GLIS1: variants seen among roughly 807,000 people sequenced by gnomAD.
GLIS1 encodes zinc finger protein GLIS1.
In GLIS1, 24 loss-of-function variants were observed where a neutral mutation model predicts 63.8. The ratio of observed to expected loss-of-function variants is 0.38; its 90% CI spans 0.27 to 0.53. GLIS1 has a LOEUF of 0.53. GLIS1 is among the 20% of genes least tolerant of loss of function. The probability of loss-of-function intolerance (pLI) is 0.85; values close to 1 mark genes in which losing one functional copy is unlikely to be tolerated. For missense variants in GLIS1, 1,036 were observed against 1,074.1 expected, an observed-to-expected ratio of 0.96 and a Z score of 0.50; for synonymous variants, 450 against 482.5, an observed-to-expected ratio of 0.93 and a Z score of 0.88.
chr1:53,509,083 G>A lies in GLIS1; in HGVS notation c.2230+37C>T, dbSNP rs112558798. On this transcript the variant is annotated intron_variant, in intron 10 of 10. Transcript: ENST00000628545. ...CCCAGCACTGGGTTGAGCCTCGGCA[G>A]GTGCCCAGGACTGGGAGCCACGCAG... 4,444 of 1,517,864 alleles carry A rather than the reference G, an allele frequency of 2.9e-3. 122 individuals carry two copies. The African/African-American group carries it at 0.049, about 17-fold the overall frequency. The allele number at this position is 1,517,864 out of a possible 1,614,324, so 94.0% of individuals were successfully genotyped here. A position where few individuals can be genotyped will look rare whatever the true frequency, so the allele number is the denominator to read the frequency against.
intron 2 of GLIS1, among the ~76,000 whole-genome samples, chr1:53,627,608 G>A (rs761803723): frequency 6.6e-6 from 1 of 152,198 alleles, no homozygotes; most frequent in Non-Finnish European, 1.5e-5. Flanking sequence ...GCACTTTGAA[G>A]CCATAAATCA....
At chr1:53,644,958 G>A (rs1313982911) in intron 2 of GLIS1, among the ~76,000 whole-genome samples, 1 of 152,206 alleles carries the variant, frequency 6.6e-6, no homozygotes, top group Non-Finnish European at 1.5e-5. Context: ...AAAAATCTAA[G>A]GTCCATGAGG....
intron 4 of GLIS1, among the ~76,000 whole-genome samples, chr1:53,549,603 A>G (rs1190616546): frequency 6.6e-6 from 1 of 152,210 alleles, no homozygotes; most frequent in African/African-American, 2.4e-5. Flanking sequence ...TTCCTTGCCT[A>G]TTTTTAAGTT....
At chr1:53,683,952 G>A (rs978145415) in intron 2 of GLIS1, among the ~76,000 whole-genome samples, 1 of 152,120 alleles carries the variant, frequency 6.6e-6, no homozygotes, top group Non-Finnish European at 1.5e-5. Context: ...ATTTTATGGA[G>A]CTCAGTTTCT....
At chr1:53,613,854 G>T (rs1054357560) in intron 2 of GLIS1, among the ~76,000 whole-genome samples, 2 of 152,144 alleles carry the variant, frequency 1.3e-5, no homozygotes, top group Non-Finnish European at 2.9e-5. Context: ...TTGTAAAGAG[G>T]CTGGACAGAG....
At chr1:53,715,286 T>C (rs1646686291) in intron 2 of GLIS1, among the ~76,000 whole-genome samples, 2 of 152,108 alleles carry the variant, frequency 1.3e-5, no homozygotes, top group Admixed American at 1.3e-4. Flanking sequence ...GGAGGTGATA[T>C]GTAAGCAGAA....
At chr1:53,681,933 CTCCCT>C (rs1341477256) in intron 2 of GLIS1, among the ~76,000 whole-genome samples, 2 of 152,206 alleles carry the variant, frequency 1.3e-5, no homozygotes, top group African/African-American at 4.8e-5. Flanking sequence ...ACTGCTTCCC[CTCCCT>C]TCCTGCTACA....
chr1:53,584,246 C>T (rs778670044), intron 4 of GLIS1, among the ~76,000 whole-genome samples: 7 of 152,242 alleles, frequency 4.6e-5, no homozygotes, highest in Non-Finnish European at 1.0e-4. Flanking sequence ...TTTCCTTACA[C>T]TAGACCTTGA....
intron 2 of GLIS1, among the ~76,000 whole-genome samples, chr1:53,653,120 C>G (rs562783890): frequency 6.6e-6 from 1 of 152,182 alleles, no homozygotes; most frequent in African/African-American, 2.4e-5. Context: ...GGCTGGAGGT[C>G]GGACTGGGTA....
chr1:53,665,609 A>T (rs1356952150), intron 2 of GLIS1, among the ~76,000 whole-genome samples: 1 of 152,154 alleles, frequency 6.6e-6, no homozygotes, highest in East Asian at 1.9e-4. Context: ...TGATCATGCC[A>T]CTGCACTCCA....
chr1:53,677,130 T>C (rs1646221731), intron 2 of GLIS1, among the ~76,000 whole-genome samples: 2 of 152,230 alleles, frequency 1.3e-5, no homozygotes, highest in Non-Finnish European at 2.9e-5. Flanking sequence ...ACAGCTCTGA[T>C]GACAGACGCA....
intron 6 of GLIS1, 76 bp downstream of exon 6, chr1:53,524,701 G>T: frequency 1.0e-6 from 1 of 989,510 alleles, no homozygotes; most frequent in South Asian, 1.4e-5. Flanking sequence ...TGCATGTGTT[G>T]AGGGTGGGCA....
At chr1:53,701,154 G>A (rs1416264076) in intron 2 of GLIS1, among the ~76,000 whole-genome samples, 1 of 152,192 alleles carries the variant, frequency 6.6e-6, no homozygotes, top group Non-Finnish European at 1.5e-5. Context: ...TAGCTGGGGG[G>A]TCAAATGGTA....
chr1:53,671,879 C>T (rs1387752094), intron 2 of GLIS1, among the ~76,000 whole-genome samples: 1 of 152,168 alleles, frequency 6.6e-6, no homozygotes, highest in East Asian at 1.9e-4. Flanking sequence ...CCCAGATCTA[C>T]CCAACTCCAA....
intron 2 of GLIS1, among the ~76,000 whole-genome samples, chr1:53,643,530 A>G (rs1645810144): frequency 6.6e-6 from 1 of 152,184 alleles, no homozygotes. Context: ...CACCTGTACA[A>G]TGACCATGGG....
intron 4 of GLIS1, among the ~76,000 whole-genome samples, chr1:53,558,260 C>G (rs1644852431): frequency 6.6e-6 from 1 of 152,218 alleles, no homozygotes; most frequent in Non-Finnish European, 1.5e-5. Flanking sequence ...TCCAGGCAGG[C>G]CAAGGGTCAT....
At chr1:53,622,444 AAAAAAAGAAG>A (rs1298777685) in intron 2 of GLIS1, among the ~76,000 whole-genome samples, 2 of 150,946 alleles carry the variant, frequency 1.3e-5, no homozygotes, top group African/African-American at 4.9e-5. Flanking sequence ...AAAAAAAAAA[AAAAAAAGAAG>A]AAGAAGAAGA....
At chr1:53,710,005 A>G (rs1199694499) in intron 2 of GLIS1, among the ~76,000 whole-genome samples, 2 of 152,202 alleles carry the variant, frequency 1.3e-5, no homozygotes, top group Non-Finnish European at 2.9e-5. Context: ...ACAAGTCACC[A>G]GAGACCTTTG....
chr1:53,644,138 C>A (rs1645817116), intron 2 of GLIS1, among the ~76,000 whole-genome samples: 1 of 152,170 alleles, frequency 6.6e-6, no homozygotes, highest in Non-Finnish European at 1.5e-5. Flanking sequence ...AGCTGATTTG[C>A]CTCTTTCTCT....
Sources: allele counts gnomAD v4.1 joint callset (sites outside exome capture counted in the v4.1 genomes callset), GRCh38; gene constraint gnomAD v4.1.1; transcripts MANE v1.5; gene names NCBI Gene and HGNC (gene_info 2026-07-23, HGNC 2026-07-21).